Variants in PAX5 observed in about 807,000 individuals in gnomAD.
PAX5 encodes the protein paired box protein Pax-5.
A neutral mutation model predicts 43.7 loss-of-function variants in PAX5; 9 were observed. That is an observed-to-expected ratio of 0.21 (90% confidence interval 0.12 to 0.36). The LOEUF is 0.36. Among genes scored for constraint, PAX5 ranks in the 10% least tolerant of loss-of-function variants. PAX5 has a pLI of 1.00. For synonymous variants in PAX5, 228 were observed against 214.3 expected, an observed-to-expected ratio of 1.06 and a Z score of -0.56; for missense variants, 383 against 532.7, an observed-to-expected ratio of 0.72 and a Z score of 2.77.
At chr9:36,924,852 A>AGAGACGGAGGGAGGGAAGGAGGAG (rs1830524818) in intron 6 of PAX5, among the ~76,000 whole-genome samples, 1 of 146,794 alleles carries the variant, frequency 6.8e-6, no homozygotes, top group Non-Finnish European at 1.5e-5. Context: ...GGAGGGAGGG[A>AGAGACGGAGGGAGGGAAGGAGGAG]GGAGGGAATT....
intron 6 of PAX5, among the ~76,000 whole-genome samples, chr9:36,958,382 T>C (rs1363260657): frequency 1.3e-5 from 2 of 151,994 alleles, no homozygotes; most frequent in Non-Finnish European, 2.9e-5. Flanking sequence ...GCATTTCCCA[T>C]TTTGCTTTGA....
At chr9:36,985,483 CA>C (rs1319976633) in intron 5 of PAX5, among the ~76,000 whole-genome samples, 1 of 152,186 alleles carries the variant, frequency 6.6e-6, no homozygotes, top group Non-Finnish European at 1.5e-5. Context: ...CTACTACTTC[CA>C]CGTGTGTGCC....
At chr9:37,011,461 C>T (rs1465452070) in intron 3 of PAX5, among the ~76,000 whole-genome samples, 3 of 152,140 alleles carry the variant, frequency 2.0e-5, no homozygotes, top group African/African-American at 7.2e-5. Flanking sequence ...CTTGTACTCC[C>T]CACCCCTTGG....
intron 4 of PAX5, 48 bp from the exon 5 acceptor site, chr9:37,002,824 G>T: frequency 6.4e-7 from 1 of 1,567,920 alleles, no homozygotes; most frequent in Non-Finnish European, 8.7e-7. Context: ...GCTGAGGGCG[G>T]CGGACCGGCT....
At chr9:36,986,360 G>T (rs1836417234) in intron 5 of PAX5, among the ~76,000 whole-genome samples, 1 of 147,512 alleles carries the variant, frequency 6.8e-6, no homozygotes, top group African/African-American at 2.4e-5. Flanking sequence ...GCCCCGCCGC[G>T]GCCGCGCCGG....
chr9:36,881,796 C>G (rs561833745), intron 8 of PAX5, among the ~76,000 whole-genome samples: 1 of 152,072 alleles, frequency 6.6e-6, no homozygotes, highest in Non-Finnish European at 1.5e-5. Flanking sequence ...AAGACCCTCC[C>G]CTCGCCCCCG....
At chr9:36,960,586 A>G (rs1374255376) in intron 6 of PAX5, among the ~76,000 whole-genome samples, 1 of 152,236 alleles carries the variant, frequency 6.6e-6, no homozygotes, top group Non-Finnish European at 1.5e-5. Flanking sequence ...AGTCGCAGGA[A>G]CAGGACGAGA....
chr9:36,889,177 C>T (rs910593227), intron 7 of PAX5, among the ~76,000 whole-genome samples: 2 of 47,228 alleles, frequency 4.2e-5, no homozygotes, highest in Non-Finnish European at 1.7e-4. Flanking sequence ...GCTCCAGCCT[C>T]CTTGGAGTTC....
chr9:37,032,938 C>G (rs1391721831), intron 1 of PAX5, among the ~76,000 whole-genome samples: 3 of 152,256 alleles, frequency 2.0e-5, no homozygotes, highest in East Asian at 3.8e-4. Context: ...GCACATGCAT[C>G]CACCCACTGT....
chr9:37,012,013 G>A (rs1001942279), intron 3 of PAX5, among the ~76,000 whole-genome samples: 1 of 152,148 alleles, frequency 6.6e-6, no homozygotes, highest in Non-Finnish European at 1.5e-5. Context: ...GGCTTTGGGG[G>A]TTTAGGGGTG....
chr9:36,936,151 T>C (rs1321679418), intron 6 of PAX5, among the ~76,000 whole-genome samples: 1 of 152,192 alleles, frequency 6.6e-6, no homozygotes, highest in Non-Finnish European at 1.5e-5. Flanking sequence ...GACAGAAAGG[T>C]TATCCTGACA....
chr9:36,936,830 GCACACACACACACACACATGCA>G (rs377708171), intron 6 of PAX5, among the ~76,000 whole-genome samples: 16 of 133,622 alleles, frequency 1.2e-4, no homozygotes, highest in African/African-American at 3.0e-4. Flanking sequence ...ACACACACAT[GCACACACACACACACACATGCA>G]CACACACACA....
Position 36,870,019 on chromosome 9 carries a change from GATGGATGGATGGATAA to G in PAX5, c.1012+11969_1012+11984del, listed in dbSNP as rs200152498. ...GGATGGATGGATAAATGGATGGATG[GATGGATGGATGGATAA>G]ATGGATGGATGGATGGATGGATAAA... On this transcript the variant is annotated intron_variant, in intron 8 of 9. Coordinates refer to ENST00000358127, the MANE Select transcript of PAX5 (RefSeq NM_016734.3). Among the ~76,000 whole-genome samples the G allele has an allele frequency of 6.1e-4, 62 of 101,332 alleles. 2 individuals are homozygous for G. The highest frequency in any genetic ancestry group is 1.6e-3 in the African/African-American group (51 of 31,534). The allele number at this position is 101,332 out of a possible 152,430, so 66.5% of individuals were successfully genotyped here. A position where few individuals can be genotyped will look rare whatever the true frequency, so the allele number is the denominator to read the frequency against.
intron 6 of PAX5, among the ~76,000 whole-genome samples, chr9:36,929,231 GAAGGAGGAAGGAAGGAAGGAAGGAAGGA>G (rs1163830656): frequency 2.1e-5 from 3 of 143,704 alleles, no homozygotes; most frequent in Non-Finnish European, 4.5e-5. Context: ...AAGAAGGAAG[GAAGGAGGAAGGAAGGAAGGAAGGAAGGA>G]AGGAAGGAAG....
chr9:36,913,953 C>T (rs1281458694), intron 7 of PAX5, among the ~76,000 whole-genome samples: 1 of 152,174 alleles, frequency 6.6e-6, no homozygotes, highest in Non-Finnish European at 1.5e-5. Flanking sequence ...TAGATGAATG[C>T]CGTGTGGTGA....
At chr9:36,865,621 A>G (rs796721788) in intron 8 of PAX5, among the ~76,000 whole-genome samples, 3 of 152,314 alleles carry the variant, frequency 2.0e-5, no homozygotes, top group African/African-American at 4.8e-5. Flanking sequence ...GCAAATGAAG[A>G]TAATCAGGAG....
At chr9:36,869,227 C>A (rs1825189785) in intron 8 of PAX5, among the ~76,000 whole-genome samples, 1 of 152,164 alleles carries the variant, frequency 6.6e-6, no homozygotes, top group Non-Finnish European at 1.5e-5. Flanking sequence ...ACTCTGACAG[C>A]CCCAGTAGAT....
intron 8 of PAX5, among the ~76,000 whole-genome samples, chr9:36,857,952 G>A (rs1823836393): frequency 6.6e-6 from 1 of 152,252 alleles, no homozygotes; most frequent in South Asian, 2.1e-4. Context: ...ATTGAGGGCA[G>A]GAGTGGCTGC....
intron 6 of PAX5, among the ~76,000 whole-genome samples, chr9:36,950,668 C>T (rs1347974310): frequency 6.6e-6 from 1 of 151,994 alleles, no homozygotes; most frequent in Non-Finnish European, 1.5e-5. Context: ...AAGAAGTCTG[C>T]TTCTGTTCCT....
Sources: allele counts gnomAD v4.1 joint callset (sites outside exome capture counted in the v4.1 genomes callset), GRCh38; gene constraint gnomAD v4.1.1; transcripts MANE v1.5; gene names NCBI Gene and HGNC (gene_info 2026-07-23, HGNC 2026-07-21).